The following DPYD variants were observed in gnomAD, a reference collection of about 807,000 sequenced individuals.
The protein encoded by DPYD is dihydropyrimidine dehydrogenase [NADP(+)].
In DPYD, 109 loss-of-function variants were observed where a neutral mutation model predicts 116.2. The observed-to-expected ratio is 0.94, with a 90% CI of 0.80 to 1.10. The LOEUF (loss-of-function observed/expected upper bound fraction) is 1.10, where lower values mean the gene tolerates loss of function less well. Ranked by LOEUF, DPYD falls within the 50% of genes least tolerant of loss-of-function variation. The probability of loss-of-function intolerance (pLI) is 0.00; values close to 1 mark genes in which losing one functional copy is unlikely to be tolerated. For synonymous variants in DPYD, 440 were observed against 432.0 expected (o/e 1.02, Z -0.23); for missense variants, 1,302 against 1,254.5 (o/e 1.04, Z -0.57).
intron 20 of DPYD, among the ~76,000 whole-genome samples, chr1:97,179,436 A>T (rs1415595998): frequency 6.6e-6 from 1 of 152,146 alleles, no homozygotes; most frequent in Non-Finnish European, 1.5e-5. Flanking sequence ...GAAGAGACTA[A>T]CAGCCAGCAC....
At chr1:97,846,521 G>A (rs912410944) in intron 2 of DPYD, among the ~76,000 whole-genome samples, 11 of 152,212 alleles carry the variant, frequency 7.2e-5, no homozygotes, top group African/African-American at 2.2e-4. Flanking sequence ...CCCAGGATGT[G>A]ATGCTACATC....
intron 13 of DPYD, among the ~76,000 whole-genome samples, chr1:97,485,733 T>C (rs1352554139): frequency 6.6e-6 from 1 of 152,194 alleles, no homozygotes; most frequent in Non-Finnish European, 1.5e-5. Flanking sequence ...TCTGCAAAAT[T>C]CTTCAGCTAA....
intron 18 of DPYD, among the ~76,000 whole-genome samples, chr1:97,236,316 A>G (rs1488967628): frequency 6.6e-6 from 1 of 152,144 alleles, no homozygotes; most frequent in African/African-American, 2.4e-5. Context: ...AGCAATATCA[A>G]TATGTATTTA....
intron 22 of DPYD, among the ~76,000 whole-genome samples, chr1:97,081,255 G>T (rs1357840443): frequency 1.3e-5 from 2 of 151,696 alleles, no homozygotes; most frequent in Non-Finnish European, 1.5e-5. Flanking sequence ...TTTAAACATG[G>T]GGACATTTTA....
At chr1:97,395,801 G>T (rs1184240833) in intron 14 of DPYD, among the ~76,000 whole-genome samples, 1 of 151,968 alleles carries the variant, frequency 6.6e-6, no homozygotes, top group Non-Finnish European at 1.5e-5. Context: ...GTGCTTTTCT[G>T]CTTACTCTCT....
chr1:97,673,803 T>C (rs962616312), intron 8 of DPYD, among the ~76,000 whole-genome samples: 4 of 151,970 alleles, frequency 2.6e-5, no homozygotes, highest in Non-Finnish European at 4.4e-5. Context: ...ACAAGTAAAA[T>C]AATTGTATCA....
intron 2 of DPYD, among the ~76,000 whole-genome samples, chr1:97,851,773 A>G (rs1670580845): frequency 6.6e-6 from 1 of 151,800 alleles, no homozygotes. Flanking sequence ...TTTTCTATCA[A>G]TTATAATGCA....
At chr1:97,419,003 T>TC (rs1351863415) in intron 14 of DPYD, among the ~76,000 whole-genome samples, 3 of 152,180 alleles carry the variant, frequency 2.0e-5, no homozygotes, top group Non-Finnish European at 1.5e-5. Flanking sequence ...GATTTTGAAT[T>TC]CTTACTCCCA....
At chr1:97,720,684 C>A in intron 5 of DPYD, 1 of 1,377,434 alleles carries the variant, frequency 7.3e-7, no homozygotes, top group African/African-American at 1.5e-5. Context: ...GCTGACAAAA[C>A]CAGATCAGTA....
At chr1:97,308,915 G>T (rs1401925059) in intron 16 of DPYD, among the ~76,000 whole-genome samples, 2 of 151,772 alleles carry the variant, frequency 1.3e-5, no homozygotes, top group Non-Finnish European at 2.9e-5. Context: ...AAGAAGAAGA[G>T]GAAGAAGGAA....
At chr1:97,821,987 TCTTA>T (rs1668965451) in intron 3 of DPYD, among the ~76,000 whole-genome samples, 1 of 151,904 alleles carries the variant, frequency 6.6e-6, no homozygotes, top group Non-Finnish European at 1.5e-5. Context: ...CAAATCTGAT[TCTTA>T]CTATTGATTC....
chr1:97,609,379 A>C (rs2100743810), intron 8 of DPYD, among the ~76,000 whole-genome samples: 1 of 152,140 alleles, frequency 6.6e-6, no homozygotes, highest in Admixed American at 6.6e-5. Context: ...ATAAAGAAAA[A>C]GAGAGAGAAT....
At chr1:97,422,871 A>C (rs1674662273) in intron 14 of DPYD, among the ~76,000 whole-genome samples, 3 of 152,182 alleles carry the variant, frequency 2.0e-5, no homozygotes, top group Admixed American at 6.6e-5. Flanking sequence ...GAGTAAATAA[A>C]TAAGTGGCCT....
chr1:97,413,470 T>C (rs1423045712), intron 14 of DPYD, among the ~76,000 whole-genome samples: 1 of 152,116 alleles, frequency 6.6e-6, no homozygotes, highest in Non-Finnish European at 1.5e-5. Flanking sequence ...TGTTTTTTTG[T>C]TTGTTTGTTT....
At chr1:97,553,852 G>A (rs1651497237) in intron 11 of DPYD, among the ~76,000 whole-genome samples, 1 of 151,998 alleles carries the variant, frequency 6.6e-6, no homozygotes, top group African/African-American at 2.4e-5. Context: ...TTCTGCAATT[G>A]GAAGAGAAAT....
At chr1:97,206,648 A>ATGTGTG (rs1659629382) in intron 19 of DPYD, among the ~76,000 whole-genome samples, 2 of 45,602 alleles carry the variant, frequency 4.4e-5, no homozygotes, top group African/African-American at 4.7e-4. Context: ...TTATATATAT[A>ATGTGTG]TATATATATA....
At chr1:97,803,494 A>C (rs945336271) in intron 3 of DPYD, among the ~76,000 whole-genome samples, 2 of 151,930 alleles carry the variant, frequency 1.3e-5, no homozygotes, top group African/African-American at 4.8e-5. Flanking sequence ...GCTCTTAATT[A>C]CATGATTGAA....
At chr1:97,282,544 G>C (rs566549424) in intron 18 of DPYD, among the ~76,000 whole-genome samples, 6 of 152,018 alleles carry the variant, frequency 3.9e-5, no homozygotes, top group African/African-American at 1.4e-4. Context: ...TAATTTACTA[G>C]TATAAAATTT....
At chr1:97,630,797 C>A (rs770961149) in intron 8 of DPYD, among the ~76,000 whole-genome samples, 3 of 152,030 alleles carry the variant, frequency 2.0e-5, no homozygotes, top group Non-Finnish European at 4.4e-5. Flanking sequence ...AAGGGATAAG[C>A]CTTCCACTTT....
Sources: allele counts gnomAD v4.1 joint callset (sites outside exome capture counted in the v4.1 genomes callset), GRCh38; gene constraint gnomAD v4.1.1; transcripts MANE v1.5; gene names NCBI Gene and HGNC (gene_info 2026-07-23, HGNC 2026-07-21).